ZNF280B: variants seen among roughly 807,000 people sequenced by gnomAD.
ZNF280B encodes the protein zinc finger protein 280B.
ZNF280B carries 16 observed loss-of-function variants against 38.0 expected under a neutral mutation model. The observed-to-expected ratio is 0.42, with a 90% CI of 0.28 to 0.64. The LOEUF (loss-of-function observed/expected upper bound fraction) is 0.64, where lower values mean the gene tolerates loss of function less well. Ranked by LOEUF, ZNF280B falls within the 30% of genes least tolerant of loss-of-function variation. The pLI is 0.21. For missense variants in ZNF280B, 581 were observed against 639.6 expected (o/e 0.91, Z 0.99); for synonymous variants, 253 against 230.6 (o/e 1.10, Z -0.88).
At chr22:22,497,528 C>T (rs1317276402) in intron 2 of ZNF280B, among the ~76,000 whole-genome samples, 1 of 151,708 alleles carries the variant, frequency 6.6e-6, no homozygotes, top group Non-Finnish European at 1.5e-5. Flanking sequence ...AGTTCAGAGT[C>T]AAGTTTCTTC....
At chr22:22,505,819 T>A (rs903223306) in intron 2 of ZNF280B, among the ~76,000 whole-genome samples, 8 of 151,674 alleles carry the variant, frequency 5.3e-5, no homozygotes, top group Admixed American at 5.3e-4. Context: ...TTACCCTGAG[T>A]GTGATGAGAG....
At chr22:22,489,723 T>C (rs1250584295) in intron 3 of ZNF280B, among the ~76,000 whole-genome samples, 1 of 151,844 alleles carries the variant, frequency 6.6e-6, no homozygotes, top group Non-Finnish European at 1.5e-5. Context: ...CAAAATTATA[T>C]GGAAAAGACA....
At position 22,487,493 on chromosome 22, in the gene ZNF280B, AAATT is replaced by A. The variant is rs1217887591; in HGVS notation, c.*270_*273del. 3.3e-5 allele frequency: 8 copies of A among 244,210 alleles called. No individual in the cohort carries two copies. The highest frequency in any genetic ancestry group is 1.9e-4 in the South Asian group (1 of 5,370). 15.1% of individuals were successfully genotyped at this position (244,210 alleles called of 1,614,324 possible). A position where few individuals can be genotyped will look rare whatever the true frequency, so the allele number is the denominator to read the frequency against. On this transcript the variant is annotated 3_prime_UTR_variant, in exon 4 of 4. Transcript: ENST00000626650. ...AAAAAAAAATTAAAATTAAAAAAAT[AAATT>A]AATACCTTTTTCTCTCTCTCACACA...
In ZNF280B at chr22:22,504,437, A is replaced by AC. The variant is rs1230388536; in HGVS notation, c.-187+3372_-187+3373insG. Among the ~76,000 whole-genome samples, 39 of 151,918 alleles carry AC rather than the reference A, an allele frequency of 2.6e-4. 1 individual carries two copies. Among genetic ancestry groups the AC allele is most frequent in the African/African-American group, 8.9e-4 (37 of 41,444 alleles). On this transcript the variant is annotated intron_variant, in intron 2 of 3. Coordinates refer to ENST00000626650, the MANE Select transcript of ZNF280B (RefSeq NM_080764.4). ...GCAAGACTCCGTCTGAAAAAAAAAAAAAACAAACAAACAACTTGTGCCCAC... is the reference window on the plus strand; with the variant it reads ...GCAAGACTCCGTCTGAAAAAAAAAAACAAACAAACAAACAACTTGTGCCCAC...
At chr22:22,495,544 G>T (rs1341201364) in intron 2 of ZNF280B, among the ~76,000 whole-genome samples, 1 of 151,958 alleles carries the variant, frequency 6.6e-6, no homozygotes, top group Non-Finnish European at 1.5e-5. Flanking sequence ...AGCAGGCTTA[G>T]AAGTTGAGGA....
chr22:22,491,659 T>C (rs376454777), intron 3 of ZNF280B, among the ~76,000 whole-genome samples: 17 of 151,686 alleles, frequency 1.1e-4, no homozygotes, highest in Admixed American at 2.6e-4. Flanking sequence ...GGAGTTTCAC[T>C]GTGTTGGCCA....
intron 2 of ZNF280B, among the ~76,000 whole-genome samples, chr22:22,499,480 TG>T (rs1182431617): frequency 6.6e-6 from 1 of 151,488 alleles, no homozygotes; most frequent in Non-Finnish European, 1.5e-5. Context: ...CTGGTCAGGC[TG>T]GTCTCGAACT....
At chr22:22,491,175 T>G (rs1378562131) in intron 3 of ZNF280B, among the ~76,000 whole-genome samples, 1 of 151,814 alleles carries the variant, frequency 6.6e-6, no homozygotes, top group Non-Finnish European at 1.5e-5. Flanking sequence ...TCAATAAATA[T>G]CGACTCTCCT....
intron 2 of ZNF280B, among the ~76,000 whole-genome samples, chr22:22,500,531 T>G (rs972207570): frequency 9.2e-5 from 14 of 151,864 alleles, no homozygotes; most frequent in African/African-American, 3.1e-4. Context: ...TCCACCTATA[T>G]GAGGTAACTA....
rs113092504 is a variant in ZNF280B, at chr22:22,485,375, A to G, written c.*2392T>C. On this transcript the variant is annotated 3_prime_UTR_variant, in exon 4 of 4. Transcript: ENST00000626650. ...TCTACCTGAGACAAGAAAAACTGGC[A>G]CACACACACCCACTTGCACACACAT... 1 of 151,920 alleles carries G rather than the reference A, an allele frequency of 6.6e-6. No homozygotes were observed. The highest frequency in any genetic ancestry group is 2.4e-5 in the African/African-American group (1 of 41,370). 9.4% of individuals were successfully genotyped at this position (151,920 alleles called of 1,614,324 possible).
At chr22:22,502,824 C>T (rs1016775903) in intron 2 of ZNF280B, among the ~76,000 whole-genome samples, 3 of 151,942 alleles carry the variant, frequency 2.0e-5, no homozygotes, top group Admixed American at 6.6e-5. Context: ...ATATCAGGTC[C>T]TAATCCCTTA....
At chr22:22,507,367 G>C (rs1478750778) in intron 2 of ZNF280B, among the ~76,000 whole-genome samples, 1 of 151,786 alleles carries the variant, frequency 6.6e-6, no homozygotes, top group African/African-American at 2.4e-5. Flanking sequence ...TAATACAATG[G>C]GTCTCACTGA....
At chr22:22,506,803 T>A (rs2061948246) in intron 2 of ZNF280B, among the ~76,000 whole-genome samples, 1 of 151,842 alleles carries the variant, frequency 6.6e-6, no homozygotes, top group African/African-American at 2.4e-5. Flanking sequence ...TCACCCAGAG[T>A]AACAGGACAA....
rs915531592 is a variant in ZNF280B at position 22,487,978 on chromosome 22, T to C, written c.1421A>G (p.Glu474Gly). Reference sequence around the variant, plus strand: ...ACACTGGGTCTTGTGCTCCATTTTCTCCTTGAAAGTTAAAAACTGTAGCCG... The same window carrying C: ...ACACTGGGTCTTGTGCTCCATTTTCCCCTTGAAAGTTAAAAACTGTAGCCG... ...KCRLQFLTFK[E>G]KMEHKTQCHQ... is the part of the protein sequence containing the mutation. The change falls in exon 4 of 4, where the codon GAG becomes GGG. Residue 474 changes from glutamate (E) to glycine (G), a missense_variant. Physicochemically the swap from Glu to Gly is moderately conservative, Grantham distance 98 (BLOSUM62 -2). Coordinates refer to ENST00000626650, the MANE Select transcript of ZNF280B (RefSeq NM_080764.4). The C allele has an allele frequency of 1.9e-6, 3 of 1,613,644 alleles. No individual in the cohort carries two copies. The African/African-American group carries it at 4.0e-5, about 22-fold the overall frequency.
At chr22:22,500,381 GCA>G (rs1271115573) in intron 2 of ZNF280B, among the ~76,000 whole-genome samples, 4 of 149,386 alleles carry the variant, frequency 2.7e-5, no homozygotes, top group African/African-American at 7.4e-5. Context: ...ATATATATAT[GCA>G]CACACACACA....
chr22:22,504,823 A>C (rs1453909421), intron 2 of ZNF280B, among the ~76,000 whole-genome samples: 1 of 151,986 alleles, frequency 6.6e-6, no homozygotes, highest in Non-Finnish European at 1.5e-5. Context: ...GAGAAAGGGA[A>C]GCATCAAGGT....
chr22:22,488,731 T>C lies in ZNF280B; in HGVS notation c.668A>G (p.His223Arg), dbSNP rs1482360949. 3.7e-6 allele frequency: 6 copies of C among 1,613,892 alleles called. No individual in the cohort carries two copies. The highest frequency in any genetic ancestry group is 2.2e-5 in the South Asian group (2 of 91,072). ...TQQSTPSNNV[H>R]TSLSHVQNGA... is the part of the protein sequence containing the mutation. The stretch of plus-strand genomic sequence containing the variant: ...ATTCTGAACATGGCTTAATGAGGTA[T>C]GAACATTATTTGAGGGTGTACTTTG... Residue 223 changes from histidine to arginine, a missense_variant, in exon 4 of 4, where the codon CAT becomes CGT. By Grantham distance (29) the His-to-Arg change is conservative. Coordinates refer to ENST00000626650, the MANE Select transcript of ZNF280B (RefSeq NM_080764.4).
rs999558907 is a variant in ZNF280B at position 22,488,173 on chromosome 22, T to C, written c.1226A>G (p.His409Arg). 7 of 1,613,912 alleles carry C rather than the reference T, an allele frequency of 4.3e-6. No homozygotes were observed. Among genetic ancestry groups the C allele is most frequent in the Non-Finnish European group, 5.1e-6 (6 of 1,179,972 alleles). The change falls in exon 4 of 4, where the codon CAT becomes CGT. Residue 409 changes from histidine (H) to arginine (R), a missense_variant. By Grantham distance (29) the His-to-Arg change is conservative. Coordinates refer to ENST00000626650, the MANE Select transcript of ZNF280B (RefSeq NM_080764.4). ...GEMPYVCQVCHYRSSVFADVE... is the reference protein window; with the variant it reads ...GEMPYVCQVCRYRSSVFADVE... ...ATCAGCAAAGACCGACGATCTATAA[T>C]GGCAAACCTGGCACACATAGGGCAT...
chr22:22,498,076 T>C (rs1569181453), intron 2 of ZNF280B, among the ~76,000 whole-genome samples: 1 of 151,814 alleles, frequency 6.6e-6, no homozygotes, highest in Non-Finnish European at 1.5e-5. Context: ...ACCCTGAAAA[T>C]ATACCATGTA....
Sources: allele counts gnomAD v4.1 joint callset (sites outside exome capture counted in the v4.1 genomes callset), GRCh38; gene constraint gnomAD v4.1.1; transcripts MANE v1.5; gene names NCBI Gene and HGNC (gene_info 2026-07-23, HGNC 2026-07-21).